RIMS2: variants seen among roughly 807,000 people sequenced by gnomAD.
The protein encoded by RIMS2 is regulating synaptic membrane exocytosis 2.
Under a neutral mutation model 174.4 loss-of-function variants are expected in RIMS2, and 59 were observed. That is an observed-to-expected ratio of 0.34 (90% CI 0.27 to 0.42). The LOEUF is 0.42. Ranked by LOEUF, RIMS2 falls within the 10% of genes least tolerant of loss-of-function variation. The pLI, the probability that RIMS2 is intolerant of heterozygous loss-of-function variation, is 1.00. For missense variants in RIMS2, 1,620 were observed against 1,666.3 expected, an observed-to-expected ratio of 0.97 and a Z score of 0.48; for synonymous variants, 606 against 572.5, an observed-to-expected ratio of 1.06 and a Z score of -0.84.
At chr8:103,567,551 C>T (rs2092463535) in intron 1 of RIMS2, among the ~76,000 whole-genome samples, 1 of 152,172 alleles carries the variant, frequency 6.6e-6, no homozygotes, top group Non-Finnish European at 1.5e-5. Context: ...GAATATGCCA[C>T]ATATATGTTG....
intron 3 of RIMS2, among the ~76,000 whole-genome samples, chr8:103,793,740 G>C (rs1033442123): frequency 1.3e-5 from 2 of 151,880 alleles, no homozygotes; most frequent in South Asian, 2.1e-4. Context: ...AAAGTCTCAG[G>C]GTACAAAATC....
At chr8:104,253,709 C>T (rs1285286987), downstream of RIMS2, 1 of 152,156 alleles carries the variant, frequency 6.6e-6, no homozygotes, top group Non-Finnish European at 1.5e-5. Flanking sequence ...TTTGATAACA[C>T]ATTATTATAG....
chr8:103,657,232 C>T (rs1194527760), intron 1 of RIMS2, among the ~76,000 whole-genome samples: 1 of 152,200 alleles, frequency 6.6e-6, no homozygotes, highest in African/African-American at 2.4e-5. Flanking sequence ...GAGTAGGTTT[C>T]TCTTCCAAGT....
At chr8:103,910,291 C>A in intron 5 of RIMS2, 30 bp from the exon 8 acceptor site, 1 of 1,284,560 alleles carries the variant, frequency 7.8e-7, no homozygotes, top group Non-Finnish European at 1.1e-6. Context: ...TTTTTTGTAT[C>A]TTTTTTTTTT....
At chr8:103,816,968 A>C (rs1463307407) in intron 3 of RIMS2, among the ~76,000 whole-genome samples, 1 of 152,190 alleles carries the variant, frequency 6.6e-6, no homozygotes, top group Non-Finnish European at 1.5e-5. Flanking sequence ...CTTGTTTCTA[A>C]AGGGGTTCTG....
intron 3 of RIMS2, chr8:103,819,348 T>C (rs954708927): frequency 2.0e-6 from 3 of 1,499,992 alleles, no homozygotes; most frequent in Non-Finnish European, 2.6e-6. Context: ...GACTGTACAA[T>C]TAACTATCAA....
chr8:103,882,475 G>A (rs1294614644), intron 3 of RIMS2, among the ~76,000 whole-genome samples: 1 of 151,550 alleles, frequency 6.6e-6, no homozygotes, highest in Non-Finnish European at 1.5e-5. Context: ...CTCGCATAGT[G>A]TTAACATACT....
At chr8:103,560,917 A>T (rs2091481796) in intron 1 of RIMS2, among the ~76,000 whole-genome samples, 1 of 152,204 alleles carries the variant, frequency 6.6e-6, no homozygotes, top group South Asian at 2.1e-4. Context: ...ACAACAACAA[A>T]TCCTAAAAAC....
intron 4 of RIMS2, among the ~76,000 whole-genome samples, chr8:103,888,858 T>G (rs1234053013): frequency 1.3e-5 from 2 of 151,654 alleles, no homozygotes; most frequent in Non-Finnish European, 1.5e-5. Context: ...GGCCTCTGTC[T>G]CATTTATTTA....
chr8:103,774,492 TTACTTA>T (rs1434504607), intron 3 of RIMS2, among the ~76,000 whole-genome samples: 1 of 152,190 alleles, frequency 6.6e-6, no homozygotes, highest in Non-Finnish European at 1.5e-5. Context: ...AATAAGTGTA[TTACTTA>T]TCAATGAAGT....
At chr8:104,224,316 A>G (rs534634469) in intron 19 of RIMS2, among the ~76,000 whole-genome samples, 4 of 152,316 alleles carry the variant, frequency 2.6e-5, no homozygotes, top group Admixed American at 2.6e-4. Flanking sequence ...TCAAGGCACA[A>G]TCTCTGGTGT....
At chr8:103,866,178 T>C (rs1237060914) in intron 3 of RIMS2, among the ~76,000 whole-genome samples, 1 of 152,188 alleles carries the variant, frequency 6.6e-6, no homozygotes, top group Non-Finnish European at 1.5e-5. Flanking sequence ...AACAAAATAT[T>C]TTCAGATTAC....
At chr8:103,754,175 T>A (rs2097941002) in intron 2 of RIMS2, among the ~76,000 whole-genome samples, 1 of 152,196 alleles carries the variant, frequency 6.6e-6, no homozygotes, top group Non-Finnish European at 1.5e-5. Context: ...TCTGCCTTCA[T>A]TTCGTTATGT....
At chr8:104,219,534 T>C (rs765057548) in intron 19 of RIMS2, among the ~76,000 whole-genome samples, 6 of 152,238 alleles carry the variant, frequency 3.9e-5, no homozygotes, top group Non-Finnish European at 8.8e-5. Context: ...TCTATAAAAA[T>C]GTGAGTACAC....
At chr8:104,192,498 T>A (rs1307430963) in intron 19 of RIMS2, among the ~76,000 whole-genome samples, 1 of 152,192 alleles carries the variant, frequency 6.6e-6, no homozygotes, top group African/African-American at 2.4e-5. Flanking sequence ...TGTGATACAA[T>A]AAGCTGGAGA....
rs544664510 is a variant in RIMS2, at chr8:103,603,460, G to A, written c.177-93626G>A. ...GTGAATAATGCCACAATAAACATAC[G>A]TGTGCATGTGTCTTTATAGCAGCAT... is the stretch of plus-strand genomic sequence containing the variant. On this transcript the variant is annotated intron_variant, in intron 1 of 23. Coordinates refer to ENST00000504942, the Ensembl canonical transcript of RIMS2. Among the ~76,000 whole-genome samples, 34 of 150,616 alleles carry A rather than the reference G, an allele frequency of 2.3e-4. No homozygotes were observed. In the South Asian group the frequency reaches 6.3e-3, roughly 28 times the overall value.
At chr8:104,229,366 T>TATATATAATATATATATATA (rs149350209) in intron 19 of RIMS2, among the ~76,000 whole-genome samples, 5,130 of 152,094 alleles carry the variant, frequency 0.034, 200 homozygotes, top group East Asian at 0.15. Flanking sequence ...TAATGCTGTG[T>TATATATAATATATATATATA]ATATATAATA....
At chr8:103,521,843 TAA>T (rs905566070) in intron 1 of RIMS2, among the ~76,000 whole-genome samples, 3 of 142,804 alleles carry the variant, frequency 2.1e-5, no homozygotes, top group Non-Finnish European at 4.6e-5. Context: ...TTCTCATTCT[TAA>T]AAAAAAAAAA....
At chr8:104,121,181 T>C (rs1276396043) in intron 19 of RIMS2, among the ~76,000 whole-genome samples, 1 of 152,196 alleles carries the variant, frequency 6.6e-6, no homozygotes, top group Non-Finnish European at 1.5e-5. Flanking sequence ...ACAGTTATAA[T>C]CACTGCTATT....
Sources: allele counts gnomAD v4.1 joint callset (sites outside exome capture counted in the v4.1 genomes callset), GRCh38; gene constraint gnomAD v4.1.1; transcripts MANE v1.5; gene names NCBI Gene and HGNC (gene_info 2026-07-23, HGNC 2026-07-21).